ESYT2: variants seen among roughly 807,000 people sequenced by gnomAD.
ESYT2 encodes the protein extended synaptotagmin-2.
Under a neutral mutation model 107.2 loss-of-function variants are expected in ESYT2, and 54 were observed. The ratio of observed to expected loss-of-function variants is 0.50; its 90% CI spans 0.40 to 0.63. ESYT2 has a LOEUF of 0.63. Ranked by LOEUF, ESYT2 falls within the 30% of genes least tolerant of loss-of-function variation. The pLI, the probability that ESYT2 is intolerant of heterozygous loss-of-function variation, is 0.00. For missense variants in ESYT2, 1,020 were observed against 1,094.5 expected (o/e 0.93, Z 0.96); for synonymous variants, 491 against 434.1 (o/e 1.13, Z -1.63).
At chr7:158,775,211 C>T (rs1838513939) in intron 6 of ESYT2, among the ~76,000 whole-genome samples, 2 of 152,126 alleles carry the variant, frequency 1.3e-5, no homozygotes, top group African/African-American at 4.8e-5. Flanking sequence ...AAAATGCTAA[C>T]GATCACATAA....
intron 9 of ESYT2, among the ~76,000 whole-genome samples, chr7:158,763,967 C>T (rs1025731507): frequency 2.0e-5 from 3 of 152,222 alleles, no homozygotes; most frequent in Admixed American, 2.0e-4. Context: ...AAGTATAAAC[C>T]GTACGACTGT....
At chr7:158,813,897 G>A (rs9638067) in intron 1 of ESYT2, among the ~76,000 whole-genome samples, 16,356 of 148,902 alleles carry the variant, frequency 0.11, 1,677 homozygotes, top group East Asian at 0.55. Context: ...TCCTCGTCCC[G>A]ATGACTCTCA....
chr7:158,760,268 T>C (rs1237057731), intron 11 of ESYT2, 121 bp from the exon 12 acceptor site: 3 of 824,876 alleles, frequency 3.6e-6, no homozygotes, highest in African/African-American at 1.7e-5. Context: ...CAGTTCTCAG[T>C]AACGCGAAGG....
intron 3 of ESYT2, among the ~76,000 whole-genome samples, chr7:158,797,478 A>G (rs1440101704): frequency 6.6e-6 from 1 of 152,114 alleles, no homozygotes; most frequent in Non-Finnish European, 1.5e-5. Context: ...AGGCTGAGGC[A>G]GGAAGATCAC....
intron 14 of ESYT2, 41 bp from the exon 15 acceptor site, chr7:158,749,764 C>G: frequency 6.3e-7 from 1 of 1,575,162 alleles, no homozygotes; most frequent in South Asian, 1.1e-5. Flanking sequence ...TAAATAAACA[C>G]ATTTTAAATG....
intron 6 of ESYT2, among the ~76,000 whole-genome samples, chr7:158,785,823 A>G (rs59661938): frequency 0.13 from 19,622 of 152,174 alleles, 1,908 homozygotes; most frequent in East Asian, 0.43. Context: ...TTTTCCTTCA[A>G]CAAGTTCTAC....
At chr7:158,811,836 G>T (rs1840001240) in intron 1 of ESYT2, among the ~76,000 whole-genome samples, 1 of 152,234 alleles carries the variant, frequency 6.6e-6, no homozygotes, top group African/African-American at 2.4e-5. Context: ...AATCTGAGGG[G>T]CCAAGATCCC....
At chr7:158,766,308 C>T (rs1022058306) in intron 8 of ESYT2, among the ~76,000 whole-genome samples, 1 of 152,176 alleles carries the variant, frequency 6.6e-6, no homozygotes, top group Non-Finnish European at 1.5e-5. Context: ...GATAATCTGG[C>T]CACATCTATT....
At chr7:158,778,712 T>A (rs111529374) in intron 6 of ESYT2, among the ~76,000 whole-genome samples, 1 of 152,190 alleles carries the variant, frequency 6.6e-6, no homozygotes, top group Non-Finnish European at 1.5e-5. Flanking sequence ...CGGGATGCAA[T>A]GCTCTTCCTC....
At position 158,736,656 on chromosome 7, in the gene ESYT2, C is replaced by T. The variant is rs574481673; in HGVS notation, c.2399+392G>A. On this transcript the variant is annotated intron_variant, in intron 20 of 22. Transcript: ENST00000275418. ...ACAGTTGTTTTTCCAATATGTCATA[C>T]GGTAAGATGTTTGGGGCTTACTGTT... 1.1e-4 allele frequency among the ~76,000 whole-genome samples: 16 copies of T among 152,014 alleles called. 1 individual carries two copies. Among genetic ancestry groups the T allele is most frequent in the South Asian group, 2.1e-4 (1 of 4,792 alleles).
chr7:158,797,552 T>C (rs756914830), intron 3 of ESYT2, among the ~76,000 whole-genome samples: 1 of 150,514 alleles, frequency 6.6e-6, no homozygotes, highest in Non-Finnish European at 1.5e-5. Flanking sequence ...AAAAAAAAAA[T>C]TTAAAAGAAA....
chr7:158,818,858 C>T (rs867078640), intron 1 of ESYT2, among the ~76,000 whole-genome samples: 2 of 152,226 alleles, frequency 1.3e-5, no homozygotes, highest in Non-Finnish European at 2.9e-5. Context: ...CTCTGCGAGA[C>T]GGTGGGAGCC....
At chr7:158,782,150 AGT>A (rs1362597876) in intron 6 of ESYT2, among the ~76,000 whole-genome samples, 7 of 150,598 alleles carry the variant, frequency 4.6e-5, no homozygotes, top group East Asian at 3.9e-4. Context: ...TGAGTGAACA[AGT>A]GTGAGTGTGA....
chr7:158,810,683 G>A (rs1405567295), intron 1 of ESYT2, among the ~76,000 whole-genome samples: 2 of 145,236 alleles, frequency 1.4e-5, no homozygotes, highest in South Asian at 4.4e-4. Context: ...CCCTGTCTTG[G>A]GGGGGAAAAA....
At chr7:158,823,830 C>G (rs1198168166) in intron 1 of ESYT2, among the ~76,000 whole-genome samples, 1 of 152,112 alleles carries the variant, frequency 6.6e-6, no homozygotes, top group African/African-American at 2.4e-5. Flanking sequence ...TATTCCATAA[C>G]TGATCTTCAC....
Position 158,734,200 on chromosome 7 carries a change from G to C in ESYT2, c.*7C>G. The C allele has an allele frequency of 6.2e-7, 1 of 1,614,124 alleles. No individual in the cohort carries two copies. Among genetic ancestry groups the C allele is most frequent in the Non-Finnish European group, 8.5e-7 (1 of 1,180,030 alleles). On this transcript the variant is annotated 3_prime_UTR_variant, in exon 23 of 23. Transcript: ENST00000275418. ...ACGCTGAAGAGGACGCCTCCTGCCT[G>C]CTGCGGCTATGTCATCGCCTGAGGC... is the stretch of plus-strand genomic sequence containing the variant.
At chr7:158,801,142 C>T (rs1839632085) in intron 1 of ESYT2, among the ~76,000 whole-genome samples, 1 of 152,182 alleles carries the variant, frequency 6.6e-6, no homozygotes, top group Non-Finnish European at 1.5e-5. Context: ...CAGTGATGGA[C>T]AGGAGCACGG....
intron 1 of ESYT2, among the ~76,000 whole-genome samples, chr7:158,815,493 A>G (rs947867618): frequency 2.0e-5 from 3 of 152,136 alleles, no homozygotes; most frequent in African/African-American, 7.2e-5. Flanking sequence ...ATGCTTAGAT[A>G]TGTGTCCCCA....
chr7:158,763,744 A>G (rs13437954), intron 9 of ESYT2, among the ~76,000 whole-genome samples: 2,737 of 152,230 alleles, frequency 0.018, 86 homozygotes, highest in African/African-American at 0.061. Flanking sequence ...ATCAAGTTCA[A>G]TCACTCCAAC....
Sources: gnomAD v4.1 joint callset for allele counts (sites outside exome capture counted in the v4.1 genomes callset) on GRCh38, gnomAD v4.1.1 for gene constraint, MANE v1.5 for transcripts, NCBI Gene and HGNC (gene_info 2026-07-23, HGNC 2026-07-21) for gene names.